Variants in RALYL observed in about 807,000 individuals in gnomAD.
RALYL encodes RNA-binding Raly-like protein.
Under a neutral mutation model 35.1 loss-of-function variants are expected in RALYL, and 29 were observed. That is an observed-to-expected ratio of 0.83 (90% CI 0.61 to 1.13). The LOEUF is 1.13. Ranked by LOEUF, RALYL falls within the 50% of genes most tolerant of loss-of-function variation. The pLI is 0.00. For synonymous variants in RALYL, 120 were observed against 127.6 expected (o/e 0.94, Z 0.40); for missense variants, 359 against 360.4 (o/e 1.00, Z 0.03).
At chr8:84,870,677 G>C (rs1422113149) in intron 6 of RALYL, among the ~76,000 whole-genome samples, 1 of 151,932 alleles carries the variant, frequency 6.6e-6, no homozygotes, top group Non-Finnish European at 1.5e-5. Flanking sequence ...TTGTTAACAG[G>C]AGGGGAAAAA....
At chr8:84,520,427 CTTCT>C (rs779897732) in intron 1 of RALYL, among the ~76,000 whole-genome samples, 5 of 152,296 alleles carry the variant, frequency 3.3e-5, no homozygotes, top group East Asian at 1.9e-4. Context: ...TATGATCTTA[CTTCT>C]TTAAGTCTCT....
chr8:84,315,838 T>C (rs902136921), intron 1 of RALYL, among the ~76,000 whole-genome samples: 2 of 151,588 alleles, frequency 1.3e-5, no homozygotes, highest in African/African-American at 4.8e-5. Flanking sequence ...AAAAACTTTC[T>C]GAATCAAGGA....
chr8:84,878,112 G>T (rs1283338622), intron 7 of RALYL, among the ~76,000 whole-genome samples: 1 of 152,134 alleles, frequency 6.6e-6, no homozygotes, highest in African/African-American at 2.4e-5. Context: ...ATGGTTGAAA[G>T]TCTGTTTAGG....
chr8:84,477,044 A>C (rs1176098308), intron 1 of RALYL, among the ~76,000 whole-genome samples: 1 of 152,174 alleles, frequency 6.6e-6, no homozygotes, highest in African/African-American at 2.4e-5. Flanking sequence ...GGCAAAAAAC[A>C]TGGTGATAAA....
chr8:84,812,992 AT>A, intron 4 of RALYL, among the ~76,000 whole-genome samples: 1 of 151,976 alleles, frequency 6.6e-6, no homozygotes, highest in Non-Finnish European at 1.5e-5. Context: ...TGCCTGTGGT[AT>A]TTTTCCCCCG....
chr8:84,610,449 T>C (rs916547890), intron 2 of RALYL, among the ~76,000 whole-genome samples: 1 of 152,120 alleles, frequency 6.6e-6, no homozygotes, highest in Non-Finnish European at 1.5e-5. Flanking sequence ...CAACAAAGGA[T>C]ACATATATCC....
At chr8:84,653,865 C>G (rs1410297039) in intron 2 of RALYL, among the ~76,000 whole-genome samples, 1 of 151,178 alleles carries the variant, frequency 6.6e-6, no homozygotes, top group Non-Finnish European at 1.5e-5. Flanking sequence ...TCTTAATATT[C>G]TCTAATATAA....
chr8:84,612,882 A>G (rs532172173), intron 2 of RALYL, among the ~76,000 whole-genome samples: 22 of 151,852 alleles, frequency 1.4e-4, no homozygotes, highest in South Asian at 2.1e-4. Flanking sequence ...TGCACAAAGA[A>G]AAAAATCACC....
At chr8:84,607,419 AGAG>A (rs1817378409) in intron 2 of RALYL, among the ~76,000 whole-genome samples, 1 of 152,162 alleles carries the variant, frequency 6.6e-6, no homozygotes, top group African/African-American at 2.4e-5. Context: ...ACTGTGAGTT[AGAG>A]AAAAATCAGC....
At chr8:84,875,419 T>C (rs1162736692) in intron 7 of RALYL, among the ~76,000 whole-genome samples, 1 of 152,150 alleles carries the variant, frequency 6.6e-6, no homozygotes, top group African/African-American at 2.4e-5. Flanking sequence ...ATATATCTTT[T>C]TGGAAGATCA....
intron 1 of RALYL, among the ~76,000 whole-genome samples, chr8:84,391,092 A>G (rs1055949278): frequency 6.6e-6 from 1 of 151,984 alleles, no homozygotes; most frequent in Non-Finnish European, 1.5e-5. Flanking sequence ...TGCACCACTC[A>G]CTTAACATAT....
chr8:84,852,446 T>G (rs1347845112), intron 5 of RALYL, among the ~76,000 whole-genome samples: 2 of 152,182 alleles, frequency 1.3e-5, no homozygotes, highest in African/African-American at 2.4e-5. Flanking sequence ...ATCTAGACTG[T>G]TTTTATACTA....
At chr8:84,825,425 G>A (rs1023588472) in intron 4 of RALYL, among the ~76,000 whole-genome samples, 2 of 152,180 alleles carry the variant, frequency 1.3e-5, no homozygotes, top group African/African-American at 4.8e-5. Context: ...AACCACTGTG[G>A]AAAGCAGTCC....
At chr8:84,757,523 C>A (rs1202535196) in intron 2 of RALYL, among the ~76,000 whole-genome samples, 1 of 152,092 alleles carries the variant, frequency 6.6e-6, no homozygotes, top group Non-Finnish European at 1.5e-5. Flanking sequence ...TTGGGGAATT[C>A]TATTTTAGCT....
intron 1 of RALYL, among the ~76,000 whole-genome samples, chr8:84,425,983 G>T (rs903069905): frequency 5.9e-5 from 9 of 151,570 alleles, no homozygotes; most frequent in African/African-American, 2.2e-4. Context: ...AAGAATTGAG[G>T]ATAACCGTTT....
At chr8:84,198,708 G>A (rs1248749824) in intron 1 of RALYL, among the ~76,000 whole-genome samples, 1 of 151,988 alleles carries the variant, frequency 6.6e-6, no homozygotes, top group African/African-American at 2.4e-5. Flanking sequence ...CATGAGTTTG[G>A]GGACGTTTGG....
chr8:84,618,431 G>A (rs1366767440), intron 2 of RALYL, among the ~76,000 whole-genome samples: 2 of 150,702 alleles, frequency 1.3e-5, no homozygotes, highest in Non-Finnish European at 2.9e-5. Context: ...TGTGGGATTG[G>A]TGGTGATATC....
At chr8:84,485,488 T>G (rs1369023350) in intron 1 of RALYL, among the ~76,000 whole-genome samples, 1 of 152,030 alleles carries the variant, frequency 6.6e-6, no homozygotes, top group Non-Finnish European at 1.5e-5. Flanking sequence ...GCTGAGACAG[T>G]AGCATCTCTT....
intron 2 of RALYL, among the ~76,000 whole-genome samples, chr8:84,762,525 T>C (rs149348211): frequency 6.6e-6 from 1 of 152,308 alleles, no homozygotes; most frequent in Non-Finnish European, 1.5e-5. Flanking sequence ...ATAAAATCAC[T>C]AAATATTTGG....
Sources: gnomAD v4.1 joint callset for allele counts (sites outside exome capture counted in the v4.1 genomes callset) on GRCh38, gnomAD v4.1.1 for gene constraint, MANE v1.5 for transcripts, NCBI Gene and HGNC (gene_info 2026-07-23, HGNC 2026-07-21) for gene names.